Variants in PRKAG2 observed in about 807,000 individuals in gnomAD.
PRKAG2 encodes the protein protein kinase AMP-activated non-catalytic subunit gamma 2, also known as 5'-AMP-activated protein kinase subunit gamma-2.
In PRKAG2, 26 loss-of-function variants were observed where a neutral mutation model predicts 69.6. The ratio of observed to expected loss-of-function variants is 0.37; its 90% CI spans 0.27 to 0.52. The LOEUF (loss-of-function observed/expected upper bound fraction) is 0.52. PRKAG2 is among the 20% of genes least tolerant of loss of function. The pLI is 0.90. For synonymous variants in PRKAG2, 293 were observed against 285.0 expected (o/e 1.03, Z -0.28); for missense variants, 557 against 740.0 (o/e 0.75, Z 2.87).
intron 3 of PRKAG2, among the ~76,000 whole-genome samples, chr7:151,726,258 C>T (rs539674061): frequency 2.0e-4 from 31 of 152,148 alleles, no homozygotes; most frequent in Middle Eastern, 3.4e-3. Flanking sequence ...AAAGCACCTG[C>T]GTGTGCGCAG....
intron 15 of PRKAG2, chr7:151,559,455 A>C: frequency 8.1e-6 from 8 of 985,264 alleles, no homozygotes; most frequent in South Asian, 4.7e-5. Context: ...GATTCAGTGG[A>C]TATGGGACGG....
At chr7:151,620,331 C>G (rs1821169385) in intron 5 of PRKAG2, among the ~76,000 whole-genome samples, 1 of 151,360 alleles carries the variant, frequency 6.6e-6, no homozygotes, top group South Asian at 2.1e-4. Flanking sequence ...CTTTTTCTTT[C>G]TCTCTCTCAT....
At chr7:151,793,390 T>G (rs935615743) in intron 1 of PRKAG2, among the ~76,000 whole-genome samples, 2 of 152,186 alleles carry the variant, frequency 1.3e-5, no homozygotes, top group African/African-American at 4.8e-5. Context: ...CTTGATACGC[T>G]TCTTAGGTTC....
chr7:151,682,449 G>A (rs567422369), intron 3 of PRKAG2, among the ~76,000 whole-genome samples: 1 of 152,270 alleles, frequency 6.6e-6, no homozygotes, highest in Admixed American at 6.5e-5. Flanking sequence ...ATGTTGCCCA[G>A]GCTGGTCTTG....
chr7:151,757,980 C>T (rs1262649078), intron 3 of PRKAG2, among the ~76,000 whole-genome samples: 1 of 152,244 alleles, frequency 6.6e-6, no homozygotes, highest in Admixed American at 6.5e-5. Flanking sequence ...AGCCCTGCGG[C>T]TCCGCTTTAC....
intron 3 of PRKAG2, among the ~76,000 whole-genome samples, chr7:151,765,145 T>G (rs1421943459): frequency 6.6e-6 from 1 of 152,138 alleles, no homozygotes; most frequent in East Asian, 1.9e-4. Context: ...TACCTGAAAC[T>G]GGGTAACTTA....
rs1231790536 is a variant in PRKAG2 at position 151,756,141 on chromosome 7, A to T, written c.466+25011T>A. Among the ~76,000 whole-genome samples, 2 of 152,100 alleles carry T rather than the reference A, an allele frequency of 1.3e-5. No homozygotes were observed. Among genetic ancestry groups the T allele is most frequent in the Non-Finnish European group, 2.9e-5 (2 of 67,994 alleles). ...CCACAGGTCCCTCTGCCCCCAAAGC[A>T]GGTCTCGCCTCTGCACCATCGGTAC... On this transcript the variant is annotated intron_variant, in intron 3 of 15. Coordinates refer to ENST00000287878, the MANE Select transcript of PRKAG2 (RefSeq NM_016203.4). This position sits in a 1 kb window ranked among gnomAD's most constrained non-coding sequence, Gnocchi z 4.9.
At chr7:151,873,069 A>G (rs765293589) in intron 1 of PRKAG2, among the ~76,000 whole-genome samples, 1 of 152,242 alleles carries the variant, frequency 6.6e-6, no homozygotes, top group East Asian at 1.9e-4. Context: ...TCTAGATTCA[A>G]CTAGGCATCT....
intron 4 of PRKAG2, among the ~76,000 whole-genome samples, chr7:151,633,830 GTT>G (rs1585386531): frequency 6.6e-6 from 1 of 152,128 alleles, no homozygotes; most frequent in Admixed American, 6.6e-5. Context: ...TAATCTTTTG[GTT>G]TAATGCAATT....
intron 5 of PRKAG2, among the ~76,000 whole-genome samples, chr7:151,625,853 C>T (rs1196790728): frequency 1.3e-5 from 2 of 152,168 alleles, no homozygotes; most frequent in Admixed American, 6.5e-5. Context: ...GCACGACCTC[C>T]AGGCTGAAGG....
At chr7:151,564,553 T>C (rs920130701) in intron 13 of PRKAG2, among the ~76,000 whole-genome samples, 28 of 152,206 alleles carry the variant, frequency 1.8e-4, no homozygotes, top group Non-Finnish European at 8.8e-5. Flanking sequence ...ATGAAATCTC[T>C]GGCAAGGTGG....
At position 151,836,589 on chromosome 7, in the gene PRKAG2, G is replaced by A. The variant is rs2079151993; in HGVS notation, c.114+39918C>T. Among the ~76,000 whole-genome samples, 1 of 152,228 alleles carries A rather than the reference G, an allele frequency of 6.6e-6. No individual in the cohort carries two copies. Among genetic ancestry groups the A allele is most frequent in the African/African-American group, 2.4e-5 (1 of 41,458 alleles). On this transcript the variant is annotated intron_variant, in intron 1 of 15. Transcript: ENST00000287878. This position sits in a 1 kb window ranked among gnomAD's most constrained non-coding sequence, Gnocchi z 4.1. ...TTCCCAGTGTGAATTCCCCTCCGAT[G>A]GGGTGTGGAGGCTGGGGTAGTCTCT... is the stretch of plus-strand genomic sequence containing the variant.
chr7:151,621,420 C>G (rs922693534), intron 5 of PRKAG2, among the ~76,000 whole-genome samples: 5 of 152,094 alleles, frequency 3.3e-5, no homozygotes, highest in African/African-American at 9.7e-5. Context: ...CAATAGCTCA[C>G]GCCTGTAATC....
At chr7:151,748,210 T>C (rs2074420118) in intron 3 of PRKAG2, among the ~76,000 whole-genome samples, 1 of 152,124 alleles carries the variant, frequency 6.6e-6, no homozygotes. Flanking sequence ...CGTGAGTCAC[T>C]GTAACCAGCC....
chr7:151,774,906 G>A (rs552682692), intron 3 of PRKAG2, among the ~76,000 whole-genome samples: 2 of 152,362 alleles, frequency 1.3e-5, no homozygotes, highest in African/African-American at 4.8e-5. Context: ...TTCTATGTTT[G>A]TCATGTAGGC....
intron 1 of PRKAG2, among the ~76,000 whole-genome samples, chr7:151,855,970 T>G (rs1395544138): frequency 6.6e-6 from 1 of 152,280 alleles, no homozygotes; most frequent in East Asian, 1.9e-4. Context: ...GAAGATAAAG[T>G]AAGGCGGTCT....
rs34905653 is a variant in PRKAG2, at chr7:151,575,985, A to ATT, written c.946+384_946+385dup. On this transcript the variant is annotated intron_variant, in intron 7 of 15. Coordinates refer to ENST00000287878, the MANE Select transcript of PRKAG2 (RefSeq NM_016203.4). ...CTTACCCAGTATGTAAAAGCAAGGA[A>ATT]TTTTTTTTTTTTTTTTGACAGGGTC... is the stretch of plus-strand genomic sequence containing the variant. Among the ~76,000 whole-genome samples, 262 of 142,364 alleles carry ATT rather than the reference A, an allele frequency of 1.8e-3. No individual in the cohort carries two copies. The Middle Eastern group carries it at 0.022, about 12-fold the overall frequency. 93.4% of individuals were successfully genotyped at this position (142,364 alleles called of 152,430 possible).
At chr7:151,802,963 T>TATA (rs377439990) in intron 1 of PRKAG2, among the ~76,000 whole-genome samples, 22,414 of 108,308 alleles carry the variant, frequency 0.21, 2,309 homozygotes, top group African/African-American at 0.33. Flanking sequence ...TATATATATA[T>TATA]TTTTTTTTTT....
At chr7:151,824,830 C>T (rs1279191358) in intron 1 of PRKAG2, among the ~76,000 whole-genome samples, 1 of 152,222 alleles carries the variant, frequency 6.6e-6, no homozygotes, top group Non-Finnish European at 1.5e-5. Context: ...TCAGCCGACA[C>T]TCGTGCGCTT....
Sources: allele counts gnomAD v4.1 joint callset (sites outside exome capture counted in the v4.1 genomes callset), GRCh38; gene constraint gnomAD v4.1.1; non-coding constraint Gnocchi (gnomAD v3.1); transcripts MANE v1.5; gene names NCBI Gene and HGNC (gene_info 2026-07-23, HGNC 2026-07-21).